Variants in TMOD1 observed in about 807,000 individuals in gnomAD.
TMOD1 encodes the protein tropomodulin 1.
A neutral mutation model predicts 40.6 loss-of-function variants in TMOD1; 17 were observed. The observed-to-expected ratio is 0.42, with a 90% CI of 0.29 to 0.63. The LOEUF (loss-of-function observed/expected upper bound fraction) is 0.63. Among genes scored for constraint, TMOD1 ranks in the 20% least tolerant of loss-of-function variants. The pLI, the probability that TMOD1 is intolerant of heterozygous loss-of-function variation, is 0.22. For missense variants in TMOD1, 391 were observed against 447.6 expected (o/e 0.87, Z 1.14); for synonymous variants, 181 against 175.0 (o/e 1.03, Z -0.27).
At chr9:97,591,829 CA>C (rs1413007138) in intron 9 of TMOD1, among the ~76,000 whole-genome samples, 1 of 152,116 alleles carries the variant, frequency 6.6e-6, no homozygotes, top group African/African-American at 2.4e-5. Flanking sequence ...CCCCAAATCC[CA>C]AAACTACCTT....
chr9:97,560,532 C>T (rs2131262947), intron 4 of TMOD1, among the ~76,000 whole-genome samples: 1 of 151,924 alleles, frequency 6.6e-6, no homozygotes, highest in Non-Finnish European at 1.5e-5. Flanking sequence ...GCCTGCAATC[C>T]CAGCACTTTG....
At chr9:97,550,648 T>C (rs1030090804) in intron 3 of TMOD1, among the ~76,000 whole-genome samples, 6 of 152,252 alleles carry the variant, frequency 3.9e-5, no homozygotes, top group Non-Finnish European at 7.3e-5. Context: ...TTTCATGTGC[T>C]TGTTGGCCAT....
rs1830548707 is a variant in TMOD1 at position 97,557,123 on chromosome 9, TGAG to T, written c.397+3729_397+3731del. Among the ~76,000 whole-genome samples the T allele has an allele frequency of 4.6e-5, 7 of 152,152 alleles. No individual in the cohort carries two copies. On this transcript the variant is annotated intron_variant, in intron 4 of 9. Coordinates refer to ENST00000259365, the MANE Select transcript of TMOD1 (RefSeq NM_003275.4). The surrounding 1 kb of genome is among the most constrained non-coding windows in gnomAD (Gnocchi z 4.4). Reference sequence around the variant, plus strand: ...TGCCTTTGGGAGGCCCAGGAGGTGATGAGGAGGACAGACGAGAAACATGTATTT... The same window carrying T: ...TGCCTTTGGGAGGCCCAGGAGGTGATGAGGACAGACGAGAAACATGTATTT...
intron 2 of TMOD1, among the ~76,000 whole-genome samples, chr9:97,540,971 T>A (rs78940824): frequency 6.6e-6 from 1 of 152,078 alleles, no homozygotes; most frequent in Non-Finnish European, 1.5e-5. Context: ...TGTATGAGAG[T>A]TCTAGTTGCT....
chr9:97,504,717 TCTGGGG>T (rs1305906767), intron 1 of TMOD1, among the ~76,000 whole-genome samples: 1 of 152,194 alleles, frequency 6.6e-6, no homozygotes, highest in Non-Finnish European at 1.5e-5. Flanking sequence ...TTGACCCTGC[TCTGGGG>T]CCTCATAACC....
intron 9 of TMOD1, among the ~76,000 whole-genome samples, chr9:97,595,227 G>A (rs1410822564): frequency 1.3e-5 from 2 of 152,288 alleles, no homozygotes; most frequent in African/African-American, 2.4e-5. Flanking sequence ...ACTTTTTGTG[G>A]TGAGAACGTT....
chr9:97,550,803 T>A (rs1830439151), intron 3 of TMOD1, among the ~76,000 whole-genome samples: 1 of 152,018 alleles, frequency 6.6e-6, no homozygotes, highest in Non-Finnish European at 1.5e-5. Flanking sequence ...TTTGAATATT[T>A]TTCCCCTTCT....
At chr9:97,519,782 G>A (rs1197091729) in intron 1 of TMOD1, among the ~76,000 whole-genome samples, 1 of 152,156 alleles carries the variant, frequency 6.6e-6, no homozygotes, top group East Asian at 1.9e-4. Flanking sequence ...GTCCTCTCCT[G>A]AGGGACCTCG....
At chr9:97,574,204 C>T (rs998935807) in intron 8 of TMOD1, among the ~76,000 whole-genome samples, 2 of 152,114 alleles carry the variant, frequency 1.3e-5, no homozygotes, top group African/African-American at 2.4e-5. Flanking sequence ...CCTCAGCTTG[C>T]GGGGAGGTGT....
rs1826240491 is a variant in TMOD1 at position 97,600,808 on chromosome 9, G to C, written c.*1110G>C. On this transcript the variant is annotated 3_prime_UTR_variant, in exon 10 of 10. Coordinates refer to ENST00000259365, the MANE Select transcript of TMOD1 (RefSeq NM_003275.4). The stretch of plus-strand genomic sequence containing the variant: ...AAATGTAGTATTAGTACTGCTGCCA[G>C]ATCTCTTTTTAACATCATGTGCGTC... The C allele has an allele frequency of 2.8e-6, 3 of 1,076,652 alleles. No homozygotes were observed. Among genetic ancestry groups the C allele is most frequent in the Non-Finnish European group, 3.4e-6 (3 of 882,026 alleles). 66.7% of individuals were successfully genotyped at this position (1,076,652 alleles called of 1,614,324 possible).
intron 8 of TMOD1, among the ~76,000 whole-genome samples, chr9:97,589,382 C>T (rs1393621297): frequency 1.3e-5 from 2 of 149,110 alleles, no homozygotes; most frequent in Non-Finnish European, 3.0e-5. Flanking sequence ...CCGGGTTCTC[C>T]TGCCTCAGCC....
intron 9 of TMOD1, among the ~76,000 whole-genome samples, chr9:97,598,402 T>A (rs1325081363): frequency 6.7e-6 from 1 of 149,404 alleles, no homozygotes; most frequent in Non-Finnish European, 1.5e-5. Flanking sequence ...AAATATACCC[T>A]CTCTGCCATA....
chr9:97,553,948 C>T (rs1475545), intron 4 of TMOD1, among the ~76,000 whole-genome samples: 81,334 of 151,802 alleles, frequency 0.54, 22,043 homozygotes, highest in Middle Eastern at 0.61. Flanking sequence ...CAGAAGGTGG[C>T]CTGATATTCA....
chr9:97,551,213 G>C (rs1445235000), intron 3 of TMOD1, among the ~76,000 whole-genome samples: 1 of 151,662 alleles, frequency 6.6e-6, no homozygotes, highest in Non-Finnish European at 1.5e-5. Flanking sequence ...TAGTAGAGAT[G>C]GGGTTTTGCC....
intron 8 of TMOD1, among the ~76,000 whole-genome samples, chr9:97,586,601 A>C (rs1195592055): frequency 2.0e-5 from 3 of 151,758 alleles, no homozygotes; most frequent in African/African-American, 7.3e-5. Flanking sequence ...CCCCTCCCCC[A>C]GCCTCGCTGC....
intron 2 of TMOD1, among the ~76,000 whole-genome samples, chr9:97,532,970 T>C (rs1830125987): frequency 6.6e-6 from 1 of 152,238 alleles, no homozygotes; most frequent in African/African-American, 2.4e-5. Context: ...TGGTGGGGAC[T>C]GAGGCAAATG....
At chr9:97,530,489 G>GTTTT (rs1339339559) in intron 2 of TMOD1, among the ~76,000 whole-genome samples, 1 of 140,000 alleles carries the variant, frequency 7.1e-6, no homozygotes, top group Non-Finnish European at 1.6e-5. Flanking sequence ...CTACTGAGGA[G>GTTTT]TTTTTTTTTT....
intron 8 of TMOD1, among the ~76,000 whole-genome samples, chr9:97,589,853 A>G (rs1414481577): frequency 6.6e-6 from 1 of 152,070 alleles, no homozygotes; most frequent in African/African-American, 2.4e-5. Context: ...CTCCTGTTTA[A>G]GATTATATTT....
At chr9:97,507,861 T>C (rs1187578343) in intron 1 of TMOD1, among the ~76,000 whole-genome samples, 1 of 152,092 alleles carries the variant, frequency 6.6e-6, no homozygotes, top group Non-Finnish European at 1.5e-5. Flanking sequence ...AACTATTTTC[T>C]TAACCCCAAT....
Sources: gnomAD v4.1 joint callset for allele counts (sites outside exome capture counted in the v4.1 genomes callset) on GRCh38, gnomAD v4.1.1 for gene constraint, Gnocchi (gnomAD v3.1) non-coding constraint, MANE v1.5 for transcripts, NCBI Gene and HGNC (gene_info 2026-07-23, HGNC 2026-07-21) for gene names.